Variants in ABCB4 observed in about 807,000 individuals in gnomAD.
ABCB4 encodes phosphatidylcholine translocator ABCB4.
ABCB4 carries 76 observed loss-of-function variants against 145.7 expected under a neutral mutation model. That is an observed-to-expected ratio of 0.52 (90% confidence interval 0.43 to 0.63). The LOEUF (loss-of-function observed/expected upper bound fraction) is 0.63. Ranked by LOEUF, ABCB4 falls within the 30% of genes least tolerant of loss-of-function variation. The pLI is 0.00. For missense variants in ABCB4, 1,234 were observed against 1,553.1 expected (o/e 0.79, Z 3.45); for synonymous variants, 517 against 566.8 (o/e 0.91, Z 1.25).
At chr7:87,385,994 A>G in the ABCB4 span, among the ~76,000 whole-genome samples, 1 of 152,140 alleles carries the variant, frequency 6.6e-6, no homozygotes, top group East Asian at 1.9e-4. Context: ...ATTAATTTGC[A>G]TATGTTGAAC....
intron 9 of ABCB4, 47 bp downstream of exon 9, chr7:87,446,987 G>T: frequency 6.6e-7 from 1 of 1,514,224 alleles, no homozygotes; most frequent in Non-Finnish European, 9.2e-7. Flanking sequence ...GGTAGATGGA[G>T]AAATAAGATT....
chr7:87,443,093 A>G (rs1811092768), intron 12 of ABCB4, among the ~76,000 whole-genome samples: 1 of 152,248 alleles, frequency 6.6e-6, no homozygotes, highest in Non-Finnish European at 1.5e-5. Flanking sequence ...AAGCTTAGTC[A>G]GAACAGAGGA....
At chr7:87,400,441 C>A (rs567753102), downstream of ABCB4, among the ~76,000 whole-genome samples, 1 of 152,142 alleles carries the variant, frequency 6.6e-6, no homozygotes, top group Admixed American at 6.5e-5. Flanking sequence ...ACTGTGCCAG[C>A]CTCTGTCCTG....
rs31661 is a variant in ABCB4 at position 87,415,691 on chromosome 7, C to T, written c.2682+1621G>A. ...GGACTAGAGAAGTTGGGGATCTTCTCCAGCCTCACACACTGTGAATAGCAA... is the reference window on the plus strand; with the variant it reads ...GGACTAGAGAAGTTGGGGATCTTCTTCAGCCTCACACACTGTGAATAGCAA... On this transcript the variant is annotated intron_variant, in intron 21 of 27. Coordinates refer to ENST00000649586, the MANE Select transcript of ABCB4 (RefSeq NM_000443.4). Among the ~76,000 whole-genome samples, 744 of 152,268 alleles carry T rather than the reference C, an allele frequency of 4.9e-3. 10 individuals carry two copies. Among genetic ancestry groups the T allele is most frequent in the African/African-American group, 0.017 (700 of 41,546 alleles).
the ABCB4 span, chr7:87,376,054 C>T: frequency 1.0e-4 from 116 of 1,158,050 alleles, 1 homozygote; most frequent in South Asian, 2.0e-3. Context: ...CCTTTAGGCT[C>T]TTGAAACTTT....
At chr7:87,378,019 A>T in the ABCB4 span, among the ~76,000 whole-genome samples, 1 of 152,096 alleles carries the variant, frequency 6.6e-6, no homozygotes, top group Admixed American at 6.6e-5. Context: ...ATAGGCATTC[A>T]GGAGGTCTAT....
chr7:87,367,251 A>C, the ABCB4 span, among the ~76,000 whole-genome samples: 7 of 152,206 alleles, frequency 4.6e-5, no homozygotes, highest in African/African-American at 1.7e-4. Context: ...AGAGAACCAA[A>C]GAGATGGAAG....
chr7:87,381,176 T>G, the ABCB4 span, among the ~76,000 whole-genome samples: 1 of 152,238 alleles, frequency 6.6e-6, no homozygotes, highest in African/African-American at 2.4e-5. Flanking sequence ...AGATCATGAA[T>G]GATATCTGTG....
intron 4 of ABCB4, among the ~76,000 whole-genome samples, chr7:87,459,985 A>G (rs45442191): frequency 1.3e-3 from 203 of 152,292 alleles, no homozygotes; most frequent in African/African-American, 4.7e-3. Flanking sequence ...ACAATTCAGG[A>G]GTTGGAGAAA....
At chr7:87,370,795 G>A in the ABCB4 span, among the ~76,000 whole-genome samples, 1 of 152,210 alleles carries the variant, frequency 6.6e-6, no homozygotes, top group Non-Finnish European at 1.5e-5. Context: ...AAATCCTTGT[G>A]TAAGTCTTTT....
chr7:87,433,112 G>A (rs995164128), intron 14 of ABCB4, among the ~76,000 whole-genome samples: 6 of 152,040 alleles, frequency 3.9e-5, no homozygotes, highest in African/African-American at 1.4e-4. Flanking sequence ...ACTACCTATT[G>A]GTAAAGAAAA....
intron 25 of ABCB4, among the ~76,000 whole-genome samples, chr7:87,407,358 TA>T (rs1441968179): frequency 6.6e-6 from 1 of 152,216 alleles, no homozygotes; most frequent in Non-Finnish European, 1.5e-5. Flanking sequence ...GAGAAACAAC[TA>T]AATTAGGCTT....
downstream of ABCB4, among the ~76,000 whole-genome samples, chr7:87,396,953 C>G (rs1807546130): frequency 6.6e-6 from 1 of 152,172 alleles, no homozygotes; most frequent in Non-Finnish European, 1.5e-5. Flanking sequence ...TATGATTTAT[C>G]TAACTGCTTC....
chr7:87,472,166 C>T (rs968895458), intron 3 of ABCB4, among the ~76,000 whole-genome samples: 1 of 152,150 alleles, frequency 6.6e-6, no homozygotes, highest in Non-Finnish European at 1.5e-5. Flanking sequence ...ATAAGCCAAA[C>T]TTATACAGCA....
At chr7:87,454,645 A>G in intron 4 of ABCB4, 53 bp from the exon 5 acceptor site, 1 of 1,294,108 alleles carries the variant, frequency 7.7e-7, no homozygotes, top group Non-Finnish European at 1.1e-6. Flanking sequence ...ATTAATAGGC[A>G]TTGCCAGGTT....
At chr7:87,453,193 T>C in intron 5 of ABCB4, 58 bp from the exon 6 acceptor site, 7 of 1,551,708 alleles carry the variant, frequency 4.5e-6, no homozygotes, top group African/African-American at 1.4e-5. Flanking sequence ...TTCTTTTCTT[T>C]TCTTTTCTGA....
intron 16 of ABCB4, among the ~76,000 whole-genome samples, chr7:87,425,695 A>T (rs1316286618): frequency 6.6e-6 from 1 of 152,042 alleles, no homozygotes. Context: ...GCAACATGGT[A>T]AAACCTCGTC....
rs1383945577 is a variant in ABCB4, at chr7:87,443,699, A to G, written c.1194T>C (p.Asp398=). The G allele has an allele frequency of 6.2e-7, 1 of 1,614,058 alleles. No homozygotes were observed. Among genetic ancestry groups the G allele is most frequent in the Non-Finnish European group, 8.5e-7 (1 of 1,179,954 alleles). ...DSIKGNLEFN[D]VHFSYPSRAN... is the part of the protein sequence containing the mutation. Reference sequence around the variant, plus strand: ...CTCGAGAAGGGTAAGAAAAGTGAACATCATTGAACTCCAAATTCCCTTTGA... The same window carrying G: ...CTCGAGAAGGGTAAGAAAAGTGAACGTCATTGAACTCCAAATTCCCTTTGA... The change falls in exon 11 of 28, where the codon GAT becomes GAC. Residue 398 remains aspartate (D), a synonymous_variant. Transcript: ENST00000649586.
chr7:87,434,402 T>C (rs1166708496), intron 14 of ABCB4, among the ~76,000 whole-genome samples: 3 of 152,194 alleles, frequency 2.0e-5, no homozygotes. Context: ...TTATTTATTT[T>C]GACAAATAGT....
Sources: gnomAD v4.1 joint callset for allele counts (sites outside exome capture counted in the v4.1 genomes callset) on GRCh38, gnomAD v4.1.1 for gene constraint, MANE v1.5 for transcripts, NCBI Gene and HGNC (gene_info 2026-07-23, HGNC 2026-07-21) for gene names.